The following TTC6 variants were observed in gnomAD, a reference collection of about 807,000 sequenced individuals.
TTC6 encodes tetratricopeptide repeat domain 6.
In TTC6, 172 loss-of-function variants were observed where a neutral mutation model predicts 210.4. The observed-to-expected ratio is 0.82, with a 90% CI of 0.72 to 0.93. TTC6 has a LOEUF of 0.93. Among genes scored for constraint, TTC6 ranks in the 40% least tolerant of loss-of-function variants. The pLI is 0.00. For synonymous variants in TTC6, 804 were observed against 819.6 expected, an observed-to-expected ratio of 0.98 and a Z score of 0.32; for missense variants, 2,414 against 2,318.1, an observed-to-expected ratio of 1.04 and a Z score of -0.85.
intron 17 of TTC6, among the ~76,000 whole-genome samples, 184 bp downstream of exon 19, chr14:37,792,598 G>T (rs886418645): frequency 1.1e-4 from 16 of 151,930 alleles, no homozygotes; most frequent in African/African-American, 3.9e-4. Context: ...CTTTCAAGGT[G>T]TGCATTTTTA....
intron 1 of TTC6, among the ~76,000 whole-genome samples, chr14:37,633,367 A>G (rs1437494196): frequency 6.6e-6 from 1 of 152,096 alleles, no homozygotes; most frequent in African/African-American, 2.4e-5. Flanking sequence ...GCTTCCCTTG[A>G]CTAGGGGAGG....
intron 20 of TTC6, among the ~76,000 whole-genome samples, chr14:37,797,771 G>A (rs1476212655): frequency 1.3e-5 from 2 of 151,910 alleles, no homozygotes; most frequent in African/African-American, 4.8e-5. Flanking sequence ...TCTTTGGAAA[G>A]TTTAAGTTTT....
At chr14:37,653,950 T>A (rs1412414169) in intron 1 of TTC6, among the ~76,000 whole-genome samples, 1 of 152,236 alleles carries the variant, frequency 6.6e-6, no homozygotes, top group Non-Finnish European at 1.5e-5. Flanking sequence ...TCTTACTGTC[T>A]ATCGAGTCAT....
exon 31 of TTC6, chr14:37,842,359 G>T: frequency 2.2e-6 from 3 of 1,355,816 alleles, no homozygotes; most frequent in Non-Finnish European, 2.9e-6. Context: ...CATATTTGTT[G>T]TCTAAAAGGT....
chr14:37,696,890 T>C, intron 4 of TTC6, 55 bp downstream of exon 6: 1 of 698,580 alleles, frequency 1.4e-6, no homozygotes, highest in Non-Finnish European at 2.1e-6. Flanking sequence ...TTCAGTAGCA[T>C]AGAGACATGA....
At chr14:37,744,997 T>TAC (rs147986899) in intron 10 of TTC6, among the ~76,000 whole-genome samples, 40 of 151,088 alleles carry the variant, frequency 2.6e-4, no homozygotes, top group Non-Finnish European at 3.8e-4. Context: ...GGATATGGGA[T>TAC]ACACACACAC....
intron 14 of TTC6, among the ~76,000 whole-genome samples, chr14:37,777,954 G>A (rs930580204): frequency 6.6e-6 from 1 of 152,052 alleles, no homozygotes; most frequent in Non-Finnish European, 1.5e-5. Flanking sequence ...TTCTGTCTTT[G>A]TTCTCTGGCC....
rs576570684 is a variant in TTC6, at chr14:37,757,828, A to G, written c.3266+4593A>G. 2.6e-5 allele frequency among the ~76,000 whole-genome samples: 4 copies of G among 152,298 alleles called. No individual in the cohort carries two copies. The South Asian group carries it at 8.3e-4, about 32-fold the overall frequency. On this transcript the variant is annotated intron_variant, in intron 14 of 30. Transcript: ENST00000553443. ...CTTTCTCTTGTGGGCATTTAGTGCTATAAATTTCCCTCTTAACTTTAGCTG... is the reference window on the plus strand; with the variant it reads ...CTTTCTCTTGTGGGCATTTAGTGCTGTAAATTTCCCTCTTAACTTTAGCTG...
chr14:37,700,437 T>C (rs1009040941), intron 4 of TTC6, among the ~76,000 whole-genome samples: 3 of 152,226 alleles, frequency 2.0e-5, no homozygotes, highest in African/African-American at 7.2e-5. Flanking sequence ...CAGGTGGCAC[T>C]GGGGATTAAG....
At chr14:37,649,763 G>A (rs1423296545) in intron 1 of TTC6, among the ~76,000 whole-genome samples, 4 of 152,150 alleles carry the variant, frequency 2.6e-5, no homozygotes. Context: ...TTGACAGATG[G>A]GGAGATGGAG....
chr14:37,760,247 G>A (rs1409464326), intron 14 of TTC6, among the ~76,000 whole-genome samples: 5 of 152,084 alleles, frequency 3.3e-5, no homozygotes, highest in Non-Finnish European at 7.4e-5. Flanking sequence ...TTTCTTCTAA[G>A]AGTCAGGCCC....
chr14:37,725,312 G>GTGTGTGTATATATA (rs1318506400), intron 7 of TTC6, among the ~76,000 whole-genome samples: 1 of 33,918 alleles, frequency 2.9e-5, no homozygotes, highest in Non-Finnish European at 5.6e-5. Flanking sequence ...GTGTGTGTGT[G>GTGTGTGTATATATA]TATATATATA....
intron 7 of TTC6, among the ~76,000 whole-genome samples, chr14:37,725,878 A>G (rs1267713616): frequency 6.6e-6 from 1 of 152,138 alleles, no homozygotes. Flanking sequence ...ATAATACCCA[A>G]ATGTGGTAAT....
chr14:37,771,364 G>A (rs1205751921), intron 14 of TTC6, among the ~76,000 whole-genome samples: 3 of 152,094 alleles, frequency 2.0e-5, no homozygotes, highest in Admixed American at 1.3e-4. Flanking sequence ...TTGCTAGACT[G>A]GGGAAGTTCT....
At chr14:37,695,545 G>C (rs911352962) in intron 3 of TTC6, among the ~76,000 whole-genome samples, 1 of 152,046 alleles carries the variant, frequency 6.6e-6, no homozygotes, top group African/African-American at 2.4e-5. Context: ...GTAGAGATGG[G>C]TTTCTCCATG....
At chr14:37,753,692 AC>A (rs2095959085) in intron 14 of TTC6, among the ~76,000 whole-genome samples, 1 of 151,302 alleles carries the variant, frequency 6.6e-6, no homozygotes, top group Non-Finnish European at 1.5e-5. Flanking sequence ...CCTCTTCCTC[AC>A]AAGTAGCTAA....
At chr14:37,669,974 T>A (rs1441954844) in intron 1 of TTC6, among the ~76,000 whole-genome samples, 2 of 152,062 alleles carry the variant, frequency 1.3e-5, no homozygotes, top group African/African-American at 2.4e-5. Context: ...ACGAGAAAAA[T>A]TTGGAGGAGA....
chr14:37,758,359 T>G (rs2139082983), intron 14 of TTC6, among the ~76,000 whole-genome samples: 1 of 152,364 alleles, frequency 6.6e-6, no homozygotes, highest in Non-Finnish European at 1.5e-5. Flanking sequence ...TGAATCTGGG[T>G]TCTCCTGTAT....
At chr14:37,640,794 C>T (rs541652686) in intron 1 of TTC6, among the ~76,000 whole-genome samples, 6 of 152,268 alleles carry the variant, frequency 3.9e-5, no homozygotes, top group East Asian at 1.9e-4. Flanking sequence ...CTAACTGCTT[C>T]GGCCTCCCAA....
Sources: allele counts gnomAD v4.1 joint callset (sites outside exome capture counted in the v4.1 genomes callset), GRCh38; gene constraint gnomAD v4.1.1; transcripts MANE v1.5; gene names NCBI Gene and HGNC (gene_info 2026-07-23, HGNC 2026-07-21).